The following LRCH1 variants were observed in gnomAD, a reference collection of about 807,000 sequenced individuals.
The protein encoded by LRCH1 is leucine rich repeats and calponin homology domain containing 1.
In LRCH1, 23 loss-of-function variants were observed where a neutral mutation model predicts 94.9. That is an observed-to-expected ratio of 0.24 (90% CI 0.17 to 0.34). The LOEUF (loss-of-function observed/expected upper bound fraction) is 0.34. Ranked by LOEUF, LRCH1 falls within the 10% of genes least tolerant of loss-of-function variation. The pLI is 1.00. For missense variants in LRCH1, 790 were observed against 945.9 expected (o/e 0.84, Z 2.16); for synonymous variants, 364 against 354.9 (o/e 1.03, Z -0.29).
chr13:46,729,086 T>A, intron 18 of LRCH1, 102 bp downstream of exon 18: 1 of 1,138,764 alleles, frequency 8.8e-7, no homozygotes, highest in Admixed American at 3.1e-5. Context: ...CTTGCTCAAA[T>A]CTTTTCCATT....
At chr13:46,713,286 T>G (rs1872163813) in intron 15 of LRCH1, among the ~76,000 whole-genome samples, 1 of 152,238 alleles carries the variant, frequency 6.6e-6, no homozygotes, top group African/African-American at 2.4e-5. Context: ...CTTTCTTTGT[T>G]TTAATATTTT....
intron 4 of LRCH1, among the ~76,000 whole-genome samples, chr13:46,685,588 T>A (rs992810921): frequency 6.6e-6 from 1 of 152,172 alleles, no homozygotes; most frequent in Non-Finnish European, 1.5e-5. Flanking sequence ...ATGTCCTGTG[T>A]GATGTGGCTT....
intron 1 of LRCH1, among the ~76,000 whole-genome samples, chr13:46,628,671 A>T (rs1197587441): frequency 6.6e-6 from 1 of 151,502 alleles, no homozygotes; most frequent in East Asian, 1.9e-4. Context: ...AAGAAAAAAA[A>T]AAAAAAAACA....
intron 11 of LRCH1, among the ~76,000 whole-genome samples, chr13:46,704,127 T>A (rs1871629860): frequency 6.6e-6 from 1 of 152,140 alleles, no homozygotes; most frequent in African/African-American, 2.4e-5. Context: ...ATATGACATC[T>A]AATTTTATAA....
chr13:46,695,820 C>T (rs1202988227), intron 9 of LRCH1, among the ~76,000 whole-genome samples: 1 of 152,130 alleles, frequency 6.6e-6, no homozygotes, highest in East Asian at 1.9e-4. Context: ...CCTAAATTAA[C>T]ATCTCTGGGC....
At chr13:46,577,286 T>C (rs761569769) in intron 1 of LRCH1, among the ~76,000 whole-genome samples, 9 of 151,984 alleles carry the variant, frequency 5.9e-5, no homozygotes, top group Non-Finnish European at 1.2e-4. Context: ...TTAGTAGAGA[T>C]GGGATTTCAC....
intron 3 of LRCH1, among the ~76,000 whole-genome samples, chr13:46,672,269 C>T (rs751715342): frequency 1.4e-4 from 21 of 151,884 alleles, no homozygotes; most frequent in Non-Finnish European, 2.5e-4. Flanking sequence ...CAGTTTATCT[C>T]CTCACCTCCT....
chr13:46,661,573 G>T (rs1410922878), intron 2 of LRCH1, among the ~76,000 whole-genome samples: 1 of 152,168 alleles, frequency 6.6e-6, no homozygotes, highest in African/African-American at 2.4e-5. Flanking sequence ...ACTTTACTCT[G>T]TGTAAAAATG....
At position 46,742,207 on chromosome 13, in the gene LRCH1, A is replaced by G. The variant is rs7327998; in HGVS notation, c.*359A>G. The G allele has an allele frequency of 1.4e-4, 158 of 1,126,380 alleles. 1 individual carries two copies. In the African/African-American group the frequency reaches 2.4e-3, roughly 17 times the overall value. The allele number at this position is 1,126,380 out of a possible 1,614,324, so 69.8% of individuals were successfully genotyped here. A position where few individuals can be genotyped will look rare whatever the true frequency, so the allele number is the denominator to read the frequency against. On this transcript the variant is annotated 3_prime_UTR_variant, in exon 20 of 20. Transcript: ENST00000389797. The stretch of plus-strand genomic sequence containing the variant: ...GGAGAATTCCAGGACAAGAGTGTCA[A>G]GGACAGGGATTTAGCATATGGAAGT...
At chr13:46,717,279 C>T (rs957359640) in intron 16 of LRCH1, 2 of 152,084 alleles carry the variant, frequency 1.3e-5, no homozygotes, top group African/African-American at 4.8e-5. Context: ...CTTAAATTTC[C>T]ACAGAAAATA....
chr13:46,682,118 G>C (rs1412986824), intron 4 of LRCH1, among the ~76,000 whole-genome samples: 1 of 152,066 alleles, frequency 6.6e-6, no homozygotes, highest in African/African-American at 2.4e-5. Context: ...TAGTTTGCTG[G>C]GGCTACTATA....
Position 46,669,072 on chromosome 13 carries a change from G to A in LRCH1, c.495G>A (p.Leu165=). ...LSALPACLCG[L]PLKVLIASNN... Reference sequence around the variant, plus strand: ...CCCTGCCTGCCTGCCTGTGTGGTCTGCCTCTCAAAGTCTTAATCGCAAGTA... The same window carrying A: ...CCCTGCCTGCCTGCCTGTGTGGTCTACCTCTCAAAGTCTTAATCGCAAGTA... Residue 165 remains leucine, a synonymous_variant, in exon 3 of 20, where the codon CTG becomes CTA. Coordinates refer to ENST00000389797, the MANE Select transcript of LRCH1 (RefSeq NM_001164211.2). 6.8e-6 allele frequency: 11 copies of A among 1,614,142 alleles called. No homozygotes were observed. The highest frequency in any genetic ancestry group is 9.3e-6 in the Non-Finnish European group (11 of 1,180,010).
chr13:46,639,012 A>C (rs74076753), intron 1 of LRCH1, among the ~76,000 whole-genome samples: 13,747 of 152,264 alleles, frequency 0.09, 697 homozygotes, highest in Middle Eastern at 0.16. Flanking sequence ...TGACTTCAAC[A>C]GCTTCCAGCA....
chr13:46,583,763 T>C (rs1000937923), intron 1 of LRCH1, among the ~76,000 whole-genome samples: 1 of 144,204 alleles, frequency 6.9e-6, no homozygotes, highest in Non-Finnish European at 1.6e-5. Flanking sequence ...GGAATTTTTC[T>C]ATTTTTTTTT....
At chr13:46,750,722 G>T in exon 19 of LRCH1, 2 of 1,029,544 alleles carry the variant, frequency 1.9e-6, no homozygotes, top group Non-Finnish European at 2.9e-6. Flanking sequence ...CCAGGCACCT[G>T]TTCAACCCTC....
chr13:46,700,021 A>G (rs755645047), intron 10 of LRCH1, among the ~76,000 whole-genome samples: 1 of 152,182 alleles, frequency 6.6e-6, no homozygotes, highest in Non-Finnish European at 1.5e-5. Context: ...ATTTGAACCC[A>G]AGGAATCTTG....
At chr13:46,605,809 C>T (rs1324647002) in intron 1 of LRCH1, among the ~76,000 whole-genome samples, 4 of 151,976 alleles carry the variant, frequency 2.6e-5, no homozygotes, top group African/African-American at 9.7e-5. Context: ...TAAAAACAAA[C>T]CTATAATTTG....
intron 2 of LRCH1, among the ~76,000 whole-genome samples, chr13:46,652,819 T>C (rs1183439269): frequency 6.6e-6 from 1 of 152,248 alleles, no homozygotes; most frequent in Admixed American, 6.5e-5. Context: ...TCCATGTTCA[T>C]TGAGAAACTT....
At chr13:46,710,524 C>T (rs1262389749) in intron 13 of LRCH1, among the ~76,000 whole-genome samples, 1 of 152,066 alleles carries the variant, frequency 6.6e-6, no homozygotes, top group African/African-American at 2.4e-5. Flanking sequence ...ACATAAATAT[C>T]GAACGGGGAA....
Sources: allele counts gnomAD v4.1 joint callset (sites outside exome capture counted in the v4.1 genomes callset), GRCh38; gene constraint gnomAD v4.1.1; transcripts MANE v1.5; gene names NCBI Gene and HGNC (gene_info 2026-07-23, HGNC 2026-07-21).